Variants in PRMT5 observed in about 807,000 individuals in gnomAD.
PRMT5 encodes the protein protein arginine N-methyltransferase 5.
In PRMT5, 15 loss-of-function variants were observed where a neutral mutation model predicts 84.0. The ratio of observed to expected loss-of-function variants is 0.18; its 90% CI spans 0.12 to 0.28. The LOEUF is 0.28. PRMT5 is among the 10% of genes least tolerant of loss of function. The pLI is 1.00. For synonymous variants in PRMT5, 276 were observed against 292.4 expected, an observed-to-expected ratio of 0.94 and a Z score of 0.57; for missense variants, 486 against 808.0, an observed-to-expected ratio of 0.60 and a Z score of 4.83.
chr14:22,927,673 T>G lies in PRMT5; in HGVS notation c.316-13A>C, dbSNP rs757140609. 1.9e-6 allele frequency: 3 copies of G among 1,610,364 alleles called. No homozygotes were observed. The highest frequency in any genetic ancestry group is 1.7e-5 in the Admixed American group (1 of 59,346). Reference sequence around the variant, plus strand: ...CCTGTAACATGGCCTGGAACGGAGATGAAGAGGAAAAGTTTGAGCTAACAA... The same window carrying G: ...CCTGTAACATGGCCTGGAACGGAGAGGAAGAGGAAAAGTTTGAGCTAACAA... On this transcript the variant is annotated splice_polypyrimidine_tract_variant and intron_variant, in intron 3 of 16. Coordinates refer to ENST00000324366, the MANE Select transcript of PRMT5 (RefSeq NM_006109.5).
At chr14:22,922,341 A>C (rs1488244839) in intron 15 of PRMT5, 101 bp from the exon 16 acceptor site, 2 of 1,410,306 alleles carry the variant, frequency 1.4e-6, no homozygotes, top group Admixed American at 3.4e-5. Context: ...ATCTCCATTC[A>C]TTGAGCACTG....
In PRMT5 at chr14:22,924,445, T is replaced by G. The variant is rs1256644572; in HGVS notation, c.1076+34A>C. The G allele has an allele frequency of 6.2e-7, 1 of 1,613,788 alleles. No individual in the cohort carries two copies. The highest frequency in any genetic ancestry group is 2.2e-5 in the East Asian group (1 of 44,894). On this transcript the variant is annotated intron_variant, in intron 10 of 16. Coordinates refer to ENST00000324366, the MANE Select transcript of PRMT5 (RefSeq NM_006109.5). This position sits in a 1 kb window ranked among gnomAD's most constrained non-coding sequence, Gnocchi z 6.5. ...GACTTGGCATATACAGATATAGGTA[T>G]GCAAGTCCCTGAGATTGAGGGGAAA...
rs1394682293 is a variant in PRMT5 at position 22,923,306 on chromosome 14, C to G, written c.1376-146G>C. The stretch of plus-strand genomic sequence containing the variant: ...GAAGAAAGAGACAAATGCATGTTGT[C>G]ACATTACTAAGCCAGCCTGCTTCCA... On this transcript the variant is annotated intron_variant, in intron 12 of 16. Coordinates refer to ENST00000324366, the MANE Select transcript of PRMT5 (RefSeq NM_006109.5). The surrounding 1 kb of genome is among the most constrained non-coding windows in gnomAD (Gnocchi z 5.2). The G allele has an allele frequency of 6.8e-6, 4 of 589,584 alleles. No individual in the cohort carries two copies. Among genetic ancestry groups the G allele is most frequent in the Non-Finnish European group, 1.2e-5 (4 of 337,410 alleles). The allele number at this position is 589,584 out of a possible 1,614,324, so 36.5% of individuals were successfully genotyped here.
chr14:22,924,394 TAAGA>T lies in PRMT5; in HGVS notation c.1077-6_1077-3del, dbSNP rs1394790415. On this transcript the variant is annotated splice_region_variant and splice_polypyrimidine_tract_variant and intron_variant, in intron 10 of 16. Transcript: ENST00000324366. This position sits in a 1 kb window ranked among gnomAD's most constrained non-coding sequence, Gnocchi z 6.5. ...CCTGCTCCCAGCACCATCAGTACCC[TAAGA>T]AAGAAAGGGAAGAGTCAAGCAGACT... is the stretch of plus-strand genomic sequence containing the variant. 7.4e-6 allele frequency: 12 copies of T among 1,613,782 alleles called. No individual in the cohort carries two copies. The East Asian group carries it at 2.0e-4, about 27-fold the overall frequency.
At chr14:22,922,353 G>GC in intron 15 of PRMT5, 90 bp downstream of exon 15, 2 of 1,404,932 alleles carry the variant, frequency 1.4e-6, no homozygotes, top group South Asian at 1.2e-5. Flanking sequence ...TGAGCACTGG[G>GC]CCCCCCATAA....
rs756343350 is a variant in PRMT5 at position 22,929,342 on chromosome 14, C to G, written c.20G>C (p.Gly7Ala). 1.9e-6 allele frequency: 3 copies of G among 1,610,154 alleles called. No homozygotes were observed. Among genetic ancestry groups the G allele is most frequent in the South Asian group, 1.1e-5 (1 of 90,900 alleles). MAAMAVGGAGGSRVSSG... is the reference protein window; with the variant it reads MAAMAVAGAGGSRVSSG... ...GGACACGCGGCTCCCACCAGCACCC[C>G]CGACCGCCATCGCCGCCATCTTTCT... The change falls in exon 1 of 17, where the codon GGG becomes GCG. Residue 7 changes from glycine to alanine, a missense_variant. Gly to Ala is a moderately conservative substitution (Grantham distance 60). Around this residue, in one of 4 missense-constraint regions of PRMT5, gnomAD observed 51 missense variants for 53.8 expected, o/e 0.95. Transcript: ENST00000324366.
chr14:22,923,013 A>C lies in PRMT5; in HGVS notation c.1485+38T>G. 6.6e-7 allele frequency: 1 copy of C among 1,515,634 alleles called. No individual in the cohort carries two copies. The highest frequency in any genetic ancestry group is 9.1e-7 in the Non-Finnish European group (1 of 1,097,296). 93.9% of individuals were successfully genotyped at this position (1,515,634 alleles called of 1,614,324 possible). ...CAAATACAGAAAAAGAAGAGGACTAAAGAGTACCACTTCTTTCCAGAGAGA... is the reference window on the plus strand; with the variant it reads ...CAAATACAGAAAAAGAAGAGGACTACAGAGTACCACTTCTTTCCAGAGAGA... On this transcript the variant is annotated intron_variant, in intron 13 of 16. Coordinates refer to ENST00000324366, the MANE Select transcript of PRMT5 (RefSeq NM_006109.5). The surrounding 1 kb of genome is among the most constrained non-coding windows in gnomAD (Gnocchi z 5.2).
rs1440332347 is a variant in PRMT5, at chr14:22,929,376, T to G, written c.-15A>C. ...ATCGCCGCCATCTTTCTCCTCGCGC[T>G]GTCCACGCCGGGATTCCTTGATACT... On this transcript the variant is annotated 5_prime_UTR_variant, in exon 1 of 17. Coordinates refer to ENST00000324366, the MANE Select transcript of PRMT5 (RefSeq NM_006109.5). The G allele has an allele frequency of 1.2e-6, 2 of 1,600,298 alleles. No homozygotes were observed. Among genetic ancestry groups the G allele is most frequent in the Non-Finnish European group, 1.7e-6 (2 of 1,175,344 alleles).
rs776115360 is a variant in PRMT5 at position 22,922,846 on chromosome 14, CAGAA to C, written c.1486-15_1486-12del. On this transcript the variant is annotated splice_polypyrimidine_tract_variant and intron_variant, in intron 13 of 16. Transcript: ENST00000324366. ...CATCTCAAACTGGGCCTGTCAGAGACAGAAAGAGAGAGAGAGTGTTGGGGAAGAC... is the reference window on the plus strand; with the variant it reads ...CATCTCAAACTGGGCCTGTCAGAGACAGAGAGAGAGAGTGTTGGGGAAGAC... The C allele has an allele frequency of 6.8e-6, 11 of 1,611,284 alleles. No homozygotes were observed. The highest frequency in any genetic ancestry group is 5.3e-5 in the African/African-American group (4 of 74,956).
intron 7 of PRMT5, among the ~76,000 whole-genome samples, chr14:22,925,781 C>A (rs1351757009): frequency 6.6e-6 from 1 of 151,682 alleles, no homozygotes; most frequent in Non-Finnish European, 1.5e-5. Flanking sequence ...GATGGTATGG[C>A]TGCACTCCAG....
chr14:22,924,993 C>T lies in PRMT5; in HGVS notation c.825G>A (p.Lys275=). ...IITGTNHHSE[K]EFCSYLQYLE... ...GGTATTGGAGGTAGGAGCAGAACTC[C>T]TTCTCTGAGTGGTGGTTGGTGCCTG... The change falls in exon 8 of 17, where the codon AAG becomes AAA. Residue 275 remains lysine, a synonymous_variant. Transcript: ENST00000324366. This position sits in a 1 kb window ranked among gnomAD's most constrained non-coding sequence, Gnocchi z 6.5. The T allele has an allele frequency of 6.2e-7, 1 of 1,614,074 alleles. No individual in the cohort carries two copies. Among genetic ancestry groups the T allele is most frequent in the Admixed American group, 1.7e-5 (1 of 60,002 alleles).
chr14:22,927,613 A>T lies in PRMT5; in HGVS notation c.363T>A (p.Ala121=). Residue 121 remains alanine (A), a synonymous_variant, in exon 4 of 17, where the codon GCT becomes GCA. Transcript: ENST00000324366. The stretch of plus-strand genomic sequence containing the variant: ...CTTCCTGATTAAGGGGCAGCAGGAA[A>T]GCTGGAAGACCCAAATATGCACCAA... ...LNFGAYLGLP[A]FLLPLNQEDN... The T allele has an allele frequency of 6.2e-7, 1 of 1,614,120 alleles. No individual in the cohort carries two copies. The highest frequency in any genetic ancestry group is 1.7e-4 in the Middle Eastern group (1 of 6,058).
chr14:22,926,252 G>T lies in PRMT5; in HGVS notation c.658C>A (p.Arg220Ser), dbSNP rs1161863126. The change falls in exon 7 of 17, where the codon CGC (arginine) becomes AGC (serine). Residue 220 changes from arginine (R) to serine (S), a missense_variant. Physicochemically the swap from Arg to Ser is moderately radical, Grantham distance 110. This residue lies in a region of PRMT5 where 215 missense variants were observed against 301.1 expected (regional missense o/e 0.71). Transcript: ENST00000324366. Reference protein sequence around the residue: ...ADLPSNHVIDRWLGEPIKAAI... With the variant: ...ADLPSNHVIDSWLGEPIKAAI... The stretch of plus-strand genomic sequence containing the variant: ...GCTTTGATGGGCTCCCCAAGCCAGC[G>T]ATCAATGACATGATTAGATGGGAGG... 3.1e-6 allele frequency: 5 copies of T among 1,613,834 alleles called. No homozygotes were observed. The highest frequency in any genetic ancestry group is 4.2e-6 in the Non-Finnish European group (5 of 1,179,848).
chr14:22,926,450 C>T, intron 6 of PRMT5, 56 bp downstream of exon 6: 1 of 1,602,940 alleles, frequency 6.2e-7, no homozygotes, highest in Non-Finnish European at 8.5e-7. Flanking sequence ...ATTCCTGATT[C>T]TTATTCACAG....
rs1190207689 is a variant in PRMT5 at position 22,920,980 on chromosome 14, T to C, written c.1838A>G (p.Tyr613Cys). Residue 613 changes from tyrosine (Y) to cysteine (C), a missense_variant, in exon 17 of 17, where the codon TAT becomes TGT. By Grantham distance (194) the Tyr-to-Cys change is radical. Transcript: ENST00000324366. Reference protein sequence around the residue: ...WRCSNSKKVWYEWAVTAPVCS... With the variant: ...WRCSNSKKVWCEWAVTAPVCS... ...GACTGGTGCTGTCACAGCCCACTCA[T>C]ACCACACCTTCTTGGAATTGCTGCA... 1 of 1,614,216 alleles carries C rather than the reference T, an allele frequency of 6.2e-7. No homozygotes were observed. Among genetic ancestry groups the C allele is most frequent in the Admixed American group, 1.7e-5 (1 of 60,020 alleles).
At chr14:22,921,166 C>A in intron 16 of PRMT5, 110 bp from the exon 17 acceptor site, 1 of 1,353,686 alleles carries the variant, frequency 7.4e-7, no homozygotes, top group Non-Finnish European at 1.0e-6. Context: ...CTGTCCCAAC[C>A]CTCATGAAAG....
chr14:22,927,112 G>T (rs1351132339), intron 4 of PRMT5, among the ~76,000 whole-genome samples: 2 of 147,086 alleles, frequency 1.4e-5, no homozygotes, highest in Non-Finnish European at 3.0e-5. Flanking sequence ...TTGAGACAAG[G>T]TCTGGCTCTG....
chr14:22,929,138 C>T (rs2044491991), intron 1 of PRMT5, 114 bp downstream of exon 1: 2 of 1,613,354 alleles, frequency 1.2e-6, no homozygotes, highest in Middle Eastern at 1.6e-4. Context: ...AATAGTCTCT[C>T]CCCTCCTCAT....
chr14:22,920,775 GAAAGC>G lies in PRMT5; in HGVS notation c.*124_*128del. On this transcript the variant is annotated 3_prime_UTR_variant, in exon 17 of 17. Coordinates refer to ENST00000324366, the MANE Select transcript of PRMT5 (RefSeq NM_006109.5). Reference sequence around the variant, plus strand: ...CCTTGCCCACCTTGATGTAAGGCAGGAAAGCAGATTGAAATGCTCCTCTCTGATGG... The same window carrying G: ...CCTTGCCCACCTTGATGTAAGGCAGGAGATTGAAATGCTCCTCTCTGATGG... 3 of 1,342,696 alleles carry G rather than the reference GAAAGC, an allele frequency of 2.2e-6. No individual in the cohort carries two copies. The highest frequency in any genetic ancestry group is 3.2e-6 in the Non-Finnish European group (3 of 934,674). The allele number at this position is 1,342,696 out of a possible 1,614,324, so 83.2% of individuals were successfully genotyped here.
Sources: allele counts gnomAD v4.1 joint callset (sites outside exome capture counted in the v4.1 genomes callset), GRCh38; gene constraint gnomAD v4.1.1; regional missense constraint gnomAD v4.1.1; non-coding constraint Gnocchi (gnomAD v3.1); transcripts MANE v1.5; gene names NCBI Gene and HGNC (gene_info 2026-07-23, HGNC 2026-07-21).